CHODL: variants seen among roughly 807,000 people sequenced by gnomAD.
CHODL encodes chondrolectin.
Under a neutral mutation model 34.5 loss-of-function variants are expected in CHODL, and 29 were observed. The ratio of observed to expected loss-of-function variants is 0.84; its 90% CI spans 0.63 to 1.15. The LOEUF (loss-of-function observed/expected upper bound fraction) is 1.15, where lower values mean the gene tolerates loss of function less well. Among genes scored for constraint, CHODL ranks in the 50% most tolerant of loss-of-function variants. The probability of loss-of-function intolerance (pLI) is 0.00; values close to 1 mark genes in which losing one functional copy is unlikely to be tolerated. For synonymous variants in CHODL, 125 were observed against 116.1 expected, an observed-to-expected ratio of 1.08 and a Z score of -0.49; for missense variants, 332 against 332.5, an observed-to-expected ratio of 1.00 and a Z score of 0.01.
chr21:18,055,191 C>T (rs1236340792), intron 2 of CHODL, among the ~76,000 whole-genome samples: 4 of 151,890 alleles, frequency 2.6e-5, no homozygotes, highest in African/African-American at 9.7e-5. Context: ...TGTTAGTTGG[C>T]AAATATGTAA....
chr21:17,985,387 T>C (rs2063745703), intron 1 of CHODL, among the ~76,000 whole-genome samples: 1 of 152,210 alleles, frequency 6.6e-6, no homozygotes, highest in East Asian at 1.9e-4. Flanking sequence ...CTCTGGAATT[T>C]AGTATTTATT....
At chr21:18,073,522 A>G (rs2064830307) in intron 2 of CHODL, among the ~76,000 whole-genome samples, 1 of 152,084 alleles carries the variant, frequency 6.6e-6, no homozygotes, top group South Asian at 2.1e-4. Flanking sequence ...TTTCAGGAAG[A>G]TTCTATGAGT....
chr21:17,987,217 T>C (rs1373964658), intron 1 of CHODL, among the ~76,000 whole-genome samples: 1 of 152,152 alleles, frequency 6.6e-6, no homozygotes, highest in Non-Finnish European at 1.5e-5. Context: ...GCAGGGTTAT[T>C]ATTCCTAAAA....
intron 1 of CHODL, among the ~76,000 whole-genome samples, chr21:18,017,052 C>T (rs1262397428): frequency 3.3e-5 from 5 of 152,154 alleles, no homozygotes; most frequent in South Asian, 2.1e-4. Flanking sequence ...TTTACAGGCT[C>T]GTAGTTGGAA....
chr21:18,179,631 C>T (rs1038101062), intron 2 of CHODL, among the ~76,000 whole-genome samples: 2 of 152,122 alleles, frequency 1.3e-5, no homozygotes, highest in African/African-American at 4.8e-5. Flanking sequence ...TATGTAGGGA[C>T]CAATTATGTC....
In CHODL at chr21:18,028,277, CCCTTCCTTCCTTCCTTCCTT is replaced by C. The variant is rs1555853374; in HGVS notation, c.-45+342_-45+361del. On this transcript the variant is annotated intron_variant, in intron 2 of 6. Coordinates refer to the CHODL transcript ENST00000400127. Reference sequence around the variant, plus strand: ...CCTTTTCTTTTTCTTTTTCCTTTTCCCCTTCCTTCCTTCCTTCCTTCCTTCCTTCCTTCCTTCCTTCCTTC... The same window carrying C: ...CCTTTTCTTTTTCTTTTTCCTTTTCCCCTTCCTTCCTTCCTTCCTTCCTTC... 8.1e-5 allele frequency among the ~76,000 whole-genome samples: 8 copies of C among 98,998 alleles called. No homozygotes were observed. The East Asian group carries it at 9.9e-4, about 12-fold the overall frequency. 64.9% of individuals were successfully genotyped at this position (98,998 alleles called of 152,430 possible).
intron 2 of CHODL, among the ~76,000 whole-genome samples, chr21:18,217,306 A>G (rs2073839898): frequency 6.6e-6 from 1 of 152,114 alleles, no homozygotes; most frequent in South Asian, 2.1e-4. Context: ...ATTGGCTTAC[A>G]GTTTTGCAGG....
rs1358228943 is a variant in CHODL at position 18,256,618 on chromosome 21, T to A, written c.189T>A (p.Ser63Arg). 6.2e-7 allele frequency: 1 copy of A among 1,613,444 alleles called. No homozygotes were observed. Among genetic ancestry groups the A allele is most frequent in the East Asian group, 2.2e-5 (1 of 44,836 alleles). ...SFQEARLACE[S>R]EGGVLLSLEN... ...AGGAGGCACGCCTGGCTTGTGAGAGTGAGGGAGGAGTCCTCCTCAGCCTTG... is the reference window on the plus strand; with the variant it reads ...AGGAGGCACGCCTGGCTTGTGAGAGAGAGGGAGGAGTCCTCCTCAGCCTTG... The change falls in exon 2 of 6, where the codon AGT becomes AGA. Residue 63 changes from serine to arginine, a missense_variant. Ser to Arg is a moderately radical substitution (Grantham distance 110). Transcript: ENST00000299295.
intron 1 of CHODL, among the ~76,000 whole-genome samples, chr21:17,918,275 A>G (rs149429166): frequency 6.6e-6 from 1 of 152,182 alleles, no homozygotes; most frequent in African/African-American, 2.4e-5. Flanking sequence ...CTGTGCCACA[A>G]TTTTCCATCT....
intron 2 of CHODL, among the ~76,000 whole-genome samples, chr21:18,137,748 A>C (rs1029473100): frequency 2.6e-5 from 4 of 152,226 alleles, no homozygotes; most frequent in African/African-American, 9.6e-5. Context: ...ATGCATGCGT[A>C]TGTGTATATA....
intron 1 of CHODL, chr21:18,246,049 T>A: frequency 3.1e-6 from 3 of 983,600 alleles, no homozygotes; most frequent in Non-Finnish European, 4.7e-6. Flanking sequence ...TGTCTTTGAT[T>A]TTTCTTTTTT....
At chr21:18,046,086 C>A (rs568668170) in intron 2 of CHODL, among the ~76,000 whole-genome samples, 25 of 152,058 alleles carry the variant, frequency 1.6e-4, no homozygotes, top group African/African-American at 4.1e-4. Context: ...AACACTAATA[C>A]ACCTGATATT....
chr21:17,952,627 C>T (rs985730570), intron 1 of CHODL, among the ~76,000 whole-genome samples: 2 of 151,896 alleles, frequency 1.3e-5, no homozygotes, highest in Non-Finnish European at 2.9e-5. Context: ...TAAACTTGAA[C>T]CTAGAGGAGA....
At chr21:18,234,796 G>A (rs1418202424) in intron 2 of CHODL, among the ~76,000 whole-genome samples, 2 of 152,094 alleles carry the variant, frequency 1.3e-5, no homozygotes, top group Non-Finnish European at 2.9e-5. Flanking sequence ...GGAAAATGAT[G>A]TACCAGACAT....
chr21:18,107,691 T>G (rs1353235115), intron 2 of CHODL, among the ~76,000 whole-genome samples: 1 of 152,194 alleles, frequency 6.6e-6, no homozygotes, highest in Non-Finnish European at 1.5e-5. Context: ...GGTAGAACCT[T>G]GAGCATGATA....
chr21:18,144,960 A>G (rs2072851302), intron 2 of CHODL, among the ~76,000 whole-genome samples: 1 of 142,172 alleles, frequency 7.0e-6, no homozygotes, highest in Admixed American at 7.0e-5. Flanking sequence ...AAAATAAATT[A>G]TTTGTATGTC....
chr21:17,948,884 A>G (rs893476652), intron 1 of CHODL, among the ~76,000 whole-genome samples: 2 of 152,172 alleles, frequency 1.3e-5, no homozygotes, highest in African/African-American at 4.8e-5. Context: ...GAAGAGGTAG[A>G]AGTTCTTCGA....
intron 2 of CHODL, among the ~76,000 whole-genome samples, chr21:18,075,213 C>T (rs2044032790): frequency 6.6e-6 from 1 of 152,132 alleles, no homozygotes; most frequent in Non-Finnish European, 1.5e-5. Flanking sequence ...CTCATGCCAC[C>T]TTCTTTGGGT....
At chr21:18,097,201 A>T (rs1452233355) in intron 2 of CHODL, among the ~76,000 whole-genome samples, 1 of 152,196 alleles carries the variant, frequency 6.6e-6, no homozygotes, top group Non-Finnish European at 1.5e-5. Flanking sequence ...TATTTAAGAC[A>T]GTACTGGAAG....
Sources: gnomAD v4.1 joint callset for allele counts (sites outside exome capture counted in the v4.1 genomes callset) on GRCh38, gnomAD v4.1.1 for gene constraint, MANE v1.5 for transcripts, NCBI Gene and HGNC (gene_info 2026-07-23, HGNC 2026-07-21) for gene names.